KLF12: variants seen among roughly 807,000 people sequenced by gnomAD.
KLF12 encodes the protein Krueppel-like factor 12.
KLF12 carries 9 observed loss-of-function variants against 37.8 expected under a neutral mutation model. That is an observed-to-expected ratio of 0.24 (90% CI 0.14 to 0.42). The LOEUF is 0.42. KLF12 is among the 10% of genes least tolerant of loss of function. The pLI is 1.00. For synonymous variants in KLF12, 208 were observed against 202.1 expected (o/e 1.03, Z -0.25); for missense variants, 411 against 516.0 (o/e 0.80, Z 1.97).
chr13:73,918,069 C>T (rs1888928595), intron 3 of KLF12, among the ~76,000 whole-genome samples: 1 of 151,356 alleles, frequency 6.6e-6, no homozygotes, highest in Admixed American at 6.6e-5. Flanking sequence ...CAAATATATA[C>T]ACCAACATCT....
chr13:73,965,032 G>A (rs17061772), intron 2 of KLF12, among the ~76,000 whole-genome samples: 51,579 of 151,856 alleles, frequency 0.34, 8,910 homozygotes, highest in Middle Eastern at 0.46. Context: ...GTTTAGCTTG[G>A]CCTTGGCAGG....
At chr13:74,072,404 T>TATATAA (rs1397789699) in intron 1 of KLF12, among the ~76,000 whole-genome samples, 2 of 118,044 alleles carry the variant, frequency 1.7e-5, no homozygotes, top group Non-Finnish European at 3.6e-5. Context: ...TATATATATA[T>TATATAA]ATAAAAGATT....
At position 73,893,026 on chromosome 13, in the gene KLF12, G is replaced by GA. The variant is rs137984991; in HGVS notation, c.124-46654dup. Among the ~76,000 whole-genome samples, 398 of 134,402 alleles carry GA rather than the reference G, an allele frequency of 3.0e-3. 2 individuals carry two copies. The highest frequency in any genetic ancestry group is 7.6e-3 in the Middle Eastern group (2 of 264). 88.2% of individuals were successfully genotyped at this position (134,402 alleles called of 152,430 possible). On this transcript the variant is annotated intron_variant, in intron 3 of 7. Coordinates refer to ENST00000377669, the MANE Select transcript of KLF12 (RefSeq NM_007249.5). ...GTTCAGAGGCAAGAGCTTTGAAAGA[G>GA]AAAAAAAAAAAAACCCTTTTCTTAT... is the stretch of plus-strand genomic sequence containing the variant.
At chr13:73,706,398 A>G (rs902234217) in intron 7 of KLF12, among the ~76,000 whole-genome samples, 1 of 152,232 alleles carries the variant, frequency 6.6e-6, no homozygotes, top group Non-Finnish European at 1.5e-5. Context: ...ACTGTTTTTT[A>G]AATAAAAATA....
upstream of KLF12, among the ~76,000 whole-genome samples, chr13:74,134,671 G>GC (rs1186832273): frequency 2.0e-5 from 3 of 152,124 alleles, no homozygotes; most frequent in Non-Finnish European, 2.9e-5. Context: ...GGCCGAGGGG[G>GC]CCCGCGGGGG....
chr13:74,238,671 G>A, the KLF12 span, among the ~76,000 whole-genome samples: 1 of 148,982 alleles, frequency 6.7e-6, no homozygotes, highest in Non-Finnish European at 1.5e-5. Context: ...AGTCTTGGGA[G>A]AGTGTATGTG....
chr13:73,906,833 T>C (rs1293310284), intron 3 of KLF12, among the ~76,000 whole-genome samples: 2 of 152,326 alleles, frequency 1.3e-5, no homozygotes, highest in East Asian at 1.9e-4. Flanking sequence ...GTCAGGGTGC[T>C]ACTGACTTGA....
chr13:73,957,733 A>G (rs1890888196), intron 2 of KLF12, among the ~76,000 whole-genome samples: 1 of 152,232 alleles, frequency 6.6e-6, no homozygotes, highest in Non-Finnish European at 1.5e-5. Flanking sequence ...ATTTTGTTAG[A>G]AAAAAGTGAC....
the KLF12 span, among the ~76,000 whole-genome samples, chr13:74,182,021 TCA>T: frequency 1.3e-5 from 2 of 152,152 alleles, no homozygotes; most frequent in Non-Finnish European, 2.9e-5. Flanking sequence ...AGCAAAAAAT[TCA>T]CAGTTGAAAT....
chr13:73,795,701 A>G (rs1279036799), intron 5 of KLF12, among the ~76,000 whole-genome samples: 1 of 152,212 alleles, frequency 6.6e-6, no homozygotes, highest in Admixed American at 6.5e-5. Flanking sequence ...TTTCCAAATG[A>G]TAAGAGACGG....
chr13:73,687,185 C>G lies in KLF12; in HGVS notation c.*8305G>C, dbSNP rs1291543717. 14 of 152,526 alleles carry G rather than the reference C, an allele frequency of 9.2e-5. No individual in the cohort carries two copies. Among genetic ancestry groups the G allele is most frequent in the Non-Finnish European group, 1.0e-4 (7 of 68,022 alleles). 9.4% of individuals were successfully genotyped at this position (152,526 alleles called of 1,614,324 possible). A position where few individuals can be genotyped will look rare whatever the true frequency, so the allele number is the denominator to read the frequency against. On this transcript the variant is annotated 3_prime_UTR_variant, in exon 8 of 8. Coordinates refer to ENST00000377669, the MANE Select transcript of KLF12 (RefSeq NM_007249.5). The stretch of plus-strand genomic sequence containing the variant: ...TTTTAAATGAGCATGTTATGATACA[C>G]ATAATTGCATTATGATGCAGGATGA...
chr13:73,868,595 T>G (rs1329312205), intron 3 of KLF12, among the ~76,000 whole-genome samples: 1 of 152,022 alleles, frequency 6.6e-6, no homozygotes, highest in South Asian at 2.1e-4. Flanking sequence ...TTCACCATAT[T>G]GGCCAGGCTG....
At chr13:74,115,389 A>T (rs771691631) in intron 1 of KLF12, among the ~76,000 whole-genome samples, 2 of 152,136 alleles carry the variant, frequency 1.3e-5, no homozygotes, top group Non-Finnish European at 2.9e-5. Flanking sequence ...GCAAGGCCAT[A>T]ACTCCTTCAA....
At chr13:73,942,343 T>C (rs939361091) in intron 3 of KLF12, among the ~76,000 whole-genome samples, 6 of 152,108 alleles carry the variant, frequency 3.9e-5, no homozygotes, top group Non-Finnish European at 8.8e-5. Flanking sequence ...CACTTTTTTT[T>C]CCCATGAGCA....
intron 3 of KLF12, among the ~76,000 whole-genome samples, chr13:73,888,446 TTGC>T (rs1327100220): frequency 6.6e-6 from 1 of 152,238 alleles, no homozygotes; most frequent in Non-Finnish European, 1.5e-5. Flanking sequence ...AAATTAGATA[TTGC>T]TGCTATTTAG....
intron 6 of KLF12, among the ~76,000 whole-genome samples, chr13:73,730,353 G>T (rs1223476487): frequency 6.6e-6 from 1 of 152,050 alleles, no homozygotes; most frequent in Non-Finnish European, 1.5e-5. Context: ...TAACAGCTTT[G>T]CCCTCCAAAA....
the KLF12 span, among the ~76,000 whole-genome samples, chr13:74,139,106 TA>T: frequency 6.6e-6 from 1 of 152,188 alleles, no homozygotes; most frequent in Non-Finnish European, 1.5e-5. Flanking sequence ...TCCACCTACT[TA>T]AATAACATTT....
At chr13:73,782,678 C>T (rs942003905) in intron 5 of KLF12, among the ~76,000 whole-genome samples, 21 of 152,254 alleles carry the variant, frequency 1.4e-4, no homozygotes, top group African/African-American at 4.6e-4. Context: ...AATGTTGAAC[C>T]GACCATACTA....
the KLF12 span, among the ~76,000 whole-genome samples, chr13:74,171,959 C>A: frequency 6.6e-6 from 1 of 152,152 alleles, no homozygotes; most frequent in African/African-American, 2.4e-5. Flanking sequence ...AGCATAACTT[C>A]TGATAATTGG....
Sources: gnomAD v4.1 joint callset for allele counts (sites outside exome capture counted in the v4.1 genomes callset) on GRCh38, gnomAD v4.1.1 for gene constraint, MANE v1.5 for transcripts, NCBI Gene and HGNC (gene_info 2026-07-23, HGNC 2026-07-21) for gene names.